Variants in KIZ observed in about 807,000 individuals in gnomAD.
KIZ encodes the protein kizuna centrosomal protein, also known as centrosomal protein kizuna.
KIZ carries 68 observed loss-of-function variants against 79.6 expected under a neutral mutation model. The observed-to-expected ratio is 0.85, with a 90% CI of 0.70 to 1.05. The LOEUF is 1.05. Ranked by LOEUF, KIZ falls within the 50% of genes least tolerant of loss-of-function variation. The pLI is 0.00. For synonymous variants in KIZ, 280 were observed against 281.8 expected, an observed-to-expected ratio of 0.99 and a Z score of 0.06; for missense variants, 797 against 800.4, an observed-to-expected ratio of 1.00 and a Z score of 0.05.
chr20:21,160,433 C>T (rs1285215994), intron 4 of KIZ, among the ~76,000 whole-genome samples: 2 of 152,120 alleles, frequency 1.3e-5, no homozygotes, highest in Non-Finnish European at 2.9e-5. Flanking sequence ...ATGTGTCCTT[C>T]CCCTCAACCC....
At chr20:21,219,931 C>A (rs568751245) in intron 9 of KIZ, among the ~76,000 whole-genome samples, 1 of 152,246 alleles carries the variant, frequency 6.6e-6, no homozygotes, top group African/African-American at 2.4e-5. Context: ...GATGCCCCAC[C>A]CACAAACACA....
rs763757052 is a variant in KIZ, at chr20:21,162,482, G to T, written c.1017G>T (p.Lys339Asn). 1 of 1,612,786 alleles carries T rather than the reference G, an allele frequency of 6.2e-7. No homozygotes were observed. Among genetic ancestry groups the T allele is most frequent in the Non-Finnish European group, 8.5e-7 (1 of 1,179,256 alleles). Reference sequence around the variant, plus strand: ...CTGAAAATAAGTGGTCTCAAGAGAAGCATTCTCCTTGGGAAGGTGTTTCAG... The same window carrying T: ...CTGAAAATAAGTGGTCTCAAGAGAATCATTCTCCTTGGGAAGGTGTTTCAG... ...CESENKWSQE[K>N]HSPWEGVSDH... The change falls in exon 5 of 13, where the codon AAG (lysine) becomes AAT (asparagine). Residue 339 changes from lysine to asparagine, a missense_variant. By Grantham distance (94) the Lys-to-Asn change is moderately conservative. Transcript: ENST00000619189.
intron 11 of KIZ, among the ~76,000 whole-genome samples, chr20:21,242,819 C>T (rs982297827): frequency 3.9e-5 from 6 of 152,158 alleles, no homozygotes; most frequent in Admixed American, 1.3e-4. Flanking sequence ...CCTCTGTGGT[C>T]CTGCAGCTCC....
intron 6 of KIZ, chr20:21,194,468 TAGTTG>T (rs905655767): frequency 1.3e-5 from 2 of 152,264 alleles, no homozygotes; most frequent in East Asian, 1.9e-4. Context: ...TTGAATTCTT[TAGTTG>T]AGTTCTTTTG....
Position 21,229,095 on chromosome 20 carries a change from C to G in KIZ, c.1763C>G (p.Ala588Gly), listed in dbSNP as rs762630168. 1 of 1,608,508 alleles carries G rather than the reference C, an allele frequency of 6.2e-7. No individual in the cohort carries two copies. Among genetic ancestry groups the G allele is most frequent in the South Asian group, 1.1e-5 (1 of 90,330 alleles). The change falls in exon 10 of 13, where the codon GCT becomes GGT. Residue 588 changes from alanine (A) to glycine (G), a missense_variant. Physicochemically the swap from Ala to Gly is moderately conservative, Grantham distance 60 (BLOSUM62 0). Coordinates refer to ENST00000619189, the MANE Select transcript of KIZ (RefSeq NM_018474.6). ...GAAAACAGGTTTCAAAAGACAGATG[C>G]TTCTGTGTCACACTTGTCAGGTAAG... ...QTENRFQKTDASVSHLSGLNI... is the reference protein window; with the variant it reads ...QTENRFQKTDGSVSHLSGLNI...
chr20:21,131,882 G>C (rs979855543), intron 1 of KIZ: 2 of 380,494 alleles, frequency 5.3e-6, no homozygotes, highest in African/African-American at 2.1e-5. Context: ...GGCGACTGCT[G>C]CATACTTTTG....
chr20:21,207,495 T>TC (rs11481230), intron 7 of KIZ, among the ~76,000 whole-genome samples: 12,485 of 112,904 alleles, frequency 0.11, 1,237 homozygotes, highest in African/African-American at 0.28. Context: ...CCTTCTTTCC[T>TC]CCCCCCACTT....
intron 6 of KIZ, among the ~76,000 whole-genome samples, chr20:21,167,940 C>CTT (rs1181112440): frequency 1.3e-5 from 2 of 152,096 alleles, no homozygotes; most frequent in Admixed American, 6.5e-5. Context: ...TATTATTATA[C>CTT]TTTAAGTTTT....
intron 9 of KIZ, chr20:21,226,366 C>T (rs1216450322): frequency 6.6e-6 from 1 of 152,346 alleles, no homozygotes; most frequent in Admixed American, 6.5e-5. Context: ...TTTGCAATAT[C>T]TGAACTTTCC....
At chr20:21,210,959 G>A (rs911593718) in intron 7 of KIZ, among the ~76,000 whole-genome samples, 14 of 149,938 alleles carry the variant, frequency 9.3e-5, no homozygotes, top group Non-Finnish European at 1.3e-4. Context: ...ATTTCTTATT[G>A]ACTTGCAAAA....
rs1322021799 is a variant in KIZ, at chr20:21,215,639, C to G, written c.1669C>G (p.Pro557Ala). 2 of 1,599,072 alleles carry G rather than the reference C, an allele frequency of 1.3e-6. No individual in the cohort carries two copies. Among genetic ancestry groups the G allele is most frequent in the African/African-American group, 2.7e-5 (2 of 74,528 alleles). The change falls in exon 9 of 13, where the codon CCA becomes GCA. Residue 557 changes from proline (P) to alanine (A), a missense_variant. Physicochemically the swap from Pro to Ala is conservative, Grantham distance 27. Transcript: ENST00000619189. ...GAAAGAAAATGTGGCTGCAGATATC[C>G]CAATCACAGGTAAAGCTATGGTTGC... ...SKKENVAADI[P>A]ITETEAYQLL...
At chr20:21,174,881 A>T (rs1158568694) in intron 6 of KIZ, among the ~76,000 whole-genome samples, 1 of 152,236 alleles carries the variant, frequency 6.6e-6, no homozygotes, top group Non-Finnish European at 1.5e-5. Flanking sequence ...TGCCTGGAAT[A>T]ATAGGTTTGA....
chr20:21,210,031 G>T (rs979182880), intron 7 of KIZ, among the ~76,000 whole-genome samples: 1 of 152,028 alleles, frequency 6.6e-6, no homozygotes, highest in Non-Finnish European at 1.5e-5. Context: ...TAACATTATG[G>T]TGTATGTTTT....
At chr20:21,194,455 C>T (rs1369557968) in intron 6 of KIZ, 1 of 152,126 alleles carries the variant, frequency 6.6e-6, no homozygotes, top group African/African-American at 2.4e-5. Flanking sequence ...TTCCATACAG[C>T]GTTTGAATTC....
At chr20:21,137,258 CT>C (rs924282013) in intron 3 of KIZ, among the ~76,000 whole-genome samples, 4 of 152,170 alleles carry the variant, frequency 2.6e-5, no homozygotes, top group African/African-American at 9.7e-5. Flanking sequence ...GTTCTGGCAC[CT>C]TTTTCCCCTT....
intron 6 of KIZ, among the ~76,000 whole-genome samples, chr20:21,168,095 G>A (rs907607206): frequency 3.3e-5 from 5 of 151,806 alleles, no homozygotes; most frequent in African/African-American, 7.3e-5. Context: ...AACAGGCCCC[G>A]GTGTGTGATG....
intron 11 of KIZ, among the ~76,000 whole-genome samples, chr20:21,234,426 A>G (rs2123460263): frequency 6.6e-6 from 1 of 151,426 alleles, no homozygotes; most frequent in Non-Finnish European, 1.5e-5. Context: ...CAGTGATGAA[A>G]AGGTCTGGGT....
At chr20:21,199,238 A>G (rs1285398427) in intron 6 of KIZ, among the ~76,000 whole-genome samples, 1 of 152,182 alleles carries the variant, frequency 6.6e-6, no homozygotes, top group Non-Finnish European at 1.5e-5. Flanking sequence ...ATTGATTTCC[A>G]TTATGAAAGG....
intron 9 of KIZ, among the ~76,000 whole-genome samples, chr20:21,221,077 G>C (rs1231033900): frequency 1.3e-5 from 2 of 152,082 alleles, no homozygotes; most frequent in Non-Finnish European, 2.9e-5. Flanking sequence ...CTACTATGTA[G>C]GTCAGTTTGC....
Sources: allele counts gnomAD v4.1 joint callset (sites outside exome capture counted in the v4.1 genomes callset), GRCh38; gene constraint gnomAD v4.1.1; transcripts MANE v1.5; gene names NCBI Gene and HGNC (gene_info 2026-07-23, HGNC 2026-07-21).